MKLN1: variants seen among roughly 807,000 people sequenced by gnomAD.
MKLN1 encodes the protein muskelin.
Under a neutral mutation model 99.0 loss-of-function variants are expected in MKLN1, and 18 were observed. That is an observed-to-expected ratio of 0.18 (90% CI 0.13 to 0.27). The LOEUF is 0.27. MKLN1 is among the 10% of genes least tolerant of loss of function. The probability of loss-of-function intolerance (pLI) is 1.00; values close to 1 mark genes in which losing one functional copy is unlikely to be tolerated. For synonymous variants in MKLN1, 288 were observed against 293.2 expected (o/e 0.98, Z 0.18); for missense variants, 621 against 875.9 (o/e 0.71, Z 3.67).
Position 131,210,666 on chromosome 7 carries a change from G to A in MKLN1, c.-179+7692G>A, listed in dbSNP as rs1194844061. 2.4e-5 allele frequency among the ~76,000 whole-genome samples: 3 copies of A among 123,500 alleles called. No homozygotes were observed. In the Admixed American group the frequency reaches 2.7e-4, roughly 11 times the overall value. The allele number at this position is 123,500 out of a possible 152,430, so 81.0% of individuals were successfully genotyped here. On this transcript the variant is annotated intron_variant, in intron 3 of 7. Transcript: ENST00000416992. ...TGCTGTGAGCTGTGTTTGTGCCACT[G>A]CACTCCAGCCTGGGAGATCGACTGA...
intron 3 of MKLN1, among the ~76,000 whole-genome samples, chr7:131,282,481 A>G (rs909424330): frequency 2.0e-5 from 3 of 152,232 alleles, no homozygotes; most frequent in African/African-American, 7.2e-5. Flanking sequence ...CATACAGGGA[A>G]GTACATAATT....
In MKLN1 at chr7:131,445,301, G is replaced by T. The variant is rs1584750964; in HGVS notation, c.1396-473G>T. Reference sequence around the variant, plus strand: ...TCTAAAGTCAAAACCATACATCAAGGTATTATTTTTGGAGAGGTCTTCCTG... The same window carrying T: ...TCTAAAGTCAAAACCATACATCAAGTTATTATTTTTGGAGAGGTCTTCCTG... On this transcript the variant is annotated intron_variant, in intron 11 of 17. Transcript: ENST00000352689. 3.9e-5 allele frequency among the ~76,000 whole-genome samples: 6 copies of T among 152,016 alleles called. 2 individuals are homozygous for T. The highest frequency in any genetic ancestry group is 3.9e-4 in the Admixed American group (6 of 15,278).
chr7:131,198,276 C>T (rs1183463671), intron 2 of MKLN1, among the ~76,000 whole-genome samples: 1 of 152,184 alleles, frequency 6.6e-6, no homozygotes, highest in Non-Finnish European at 1.5e-5. Flanking sequence ...ACCTAGGAAC[C>T]TTGTCTTAAA....
At chr7:131,206,530 G>GTGTAATTATTATTAT (rs754090884) in intron 3 of MKLN1, among the ~76,000 whole-genome samples, 8,067 of 144,666 alleles carry the variant, frequency 0.056, 283 homozygotes, top group East Asian at 0.087. Flanking sequence ...GTATGTATGT[G>GTGTAATTATTATTAT]TATAATTATT....
At chr7:131,257,773 C>T (rs969470885) in intron 3 of MKLN1, among the ~76,000 whole-genome samples, 4 of 151,942 alleles carry the variant, frequency 2.6e-5, no homozygotes, top group Admixed American at 1.3e-4. Flanking sequence ...GAGGAGATCT[C>T]CTTCTCCCAT....
chr7:131,408,753 G>A (rs999121026), intron 6 of MKLN1, among the ~76,000 whole-genome samples: 1 of 152,058 alleles, frequency 6.6e-6, no homozygotes. Flanking sequence ...GAGCCACCAG[G>A]CTGGGCCATC....
At chr7:131,238,223 C>T (rs1269446007) in intron 3 of MKLN1, among the ~76,000 whole-genome samples, 1 of 151,930 alleles carries the variant, frequency 6.6e-6, no homozygotes, top group East Asian at 1.9e-4. Context: ...AAAGGGCAGT[C>T]CTAAATTGGT....
At chr7:131,135,209 G>A (rs984909830) in intron 1 of MKLN1, among the ~76,000 whole-genome samples, 7 of 152,172 alleles carry the variant, frequency 4.6e-5, no homozygotes, top group Admixed American at 1.3e-4. Flanking sequence ...TGCTACCTGC[G>A]TCTCCCAGGT....
intron 1 of MKLN1, among the ~76,000 whole-genome samples, chr7:131,115,548 G>A (rs1388727919): frequency 6.6e-6 from 1 of 152,120 alleles, no homozygotes; most frequent in Non-Finnish European, 1.5e-5. Context: ...ATCAGATCAT[G>A]TGATTTCTCA....
chr7:131,282,779 T>C (rs560972305), intron 3 of MKLN1, among the ~76,000 whole-genome samples: 18 of 152,362 alleles, frequency 1.2e-4, no homozygotes, highest in African/African-American at 4.3e-4. Flanking sequence ...GGCAAGCCTT[T>C]TAAATATACA....
At chr7:131,387,642 A>G (rs984390984) in intron 3 of MKLN1, among the ~76,000 whole-genome samples, 5 of 152,232 alleles carry the variant, frequency 3.3e-5, no homozygotes, top group African/African-American at 1.2e-4. Flanking sequence ...GCCCTAATCC[A>G]GAAGCAATAT....
At chr7:131,402,586 A>T (rs188668439) in intron 6 of MKLN1, among the ~76,000 whole-genome samples, 1 of 152,176 alleles carries the variant, frequency 6.6e-6, no homozygotes, top group Non-Finnish European at 1.5e-5. Flanking sequence ...GTCTGTGGCA[A>T]CTATAGCCTT....
chr7:131,275,413 G>T (rs1264610671), intron 3 of MKLN1, among the ~76,000 whole-genome samples: 1 of 125,958 alleles, frequency 7.9e-6, no homozygotes, highest in Non-Finnish European at 1.6e-5. Context: ...CTGTCTCCCA[G>T]GCTGGAGTGC....
intron 5 of MKLN1, among the ~76,000 whole-genome samples, chr7:131,397,782 A>G (rs2116236528): frequency 6.6e-6 from 1 of 152,282 alleles, no homozygotes; most frequent in East Asian, 1.9e-4. Flanking sequence ...CTTAAAACAT[A>G]GTTTTTAGTG....
intron 2 of MKLN1, among the ~76,000 whole-genome samples, chr7:131,382,848 C>T (rs953312013): frequency 5.9e-5 from 9 of 152,000 alleles, no homozygotes; most frequent in East Asian, 3.9e-4. Context: ...CTCAGCCTCC[C>T]GAGTAGCTGG....
At chr7:131,348,558 C>A (rs545470057) in intron 1 of MKLN1, among the ~76,000 whole-genome samples, 3 of 151,314 alleles carry the variant, frequency 2.0e-5, no homozygotes, top group Admixed American at 6.6e-5. Context: ...CAGGGTCCCA[C>A]AAATGTAATT....
chr7:131,353,589 TAA>T (rs1465973631), intron 1 of MKLN1, among the ~76,000 whole-genome samples: 1 of 152,124 alleles, frequency 6.6e-6, no homozygotes, highest in Non-Finnish European at 1.5e-5. Context: ...TTCAACCACT[TAA>T]AAGTCTTTCT....
rs531795987 is a variant in MKLN1 at position 131,393,641 on chromosome 7, T to C, written c.401-3626T>C. 3.3e-5 allele frequency among the ~76,000 whole-genome samples: 5 copies of C among 152,132 alleles called. No individual in the cohort carries two copies. The South Asian group carries it at 8.3e-4, about 25-fold the overall frequency. On this transcript the variant is annotated intron_variant, in intron 4 of 17. Coordinates refer to ENST00000352689, the MANE Select transcript of MKLN1 (RefSeq NM_013255.5). ...GTTTTGTTTTGTTTTGTTTTGTTTT[T>C]TAAGAGACAGGGTCTTTCTCGGTTA...
intron 9 of MKLN1, among the ~76,000 whole-genome samples, chr7:131,434,940 A>G (rs1011270587): frequency 6.6e-6 from 1 of 152,214 alleles, no homozygotes; most frequent in Non-Finnish European, 1.5e-5. Flanking sequence ...GAGAAAAGAC[A>G]TCCCTGTCTT....
Sources: gnomAD v4.1 joint callset for allele counts (sites outside exome capture counted in the v4.1 genomes callset) on GRCh38, gnomAD v4.1.1 for gene constraint, MANE v1.5 for transcripts, NCBI Gene and HGNC (gene_info 2026-07-23, HGNC 2026-07-21) for gene names.